The following RGS6 variants were observed in gnomAD, a reference collection of about 807,000 sequenced individuals.
The protein encoded by RGS6 is regulator of G protein signaling 6.
RGS6 carries 30 observed loss-of-function variants against 78.5 expected under a neutral mutation model. That is an observed-to-expected ratio of 0.38 (90% CI 0.29 to 0.52). The LOEUF (loss-of-function observed/expected upper bound fraction) is 0.52. RGS6 is among the 20% of genes least tolerant of loss of function. RGS6 has a pLI of 0.85. For missense variants in RGS6, 495 were observed against 609.7 expected (o/e 0.81, Z 1.98); for synonymous variants, 206 against 206.0 (o/e 1.00, Z 0.00).
intron 2 of RGS6, among the ~76,000 whole-genome samples, chr14:72,006,511 A>G (rs1219131139): frequency 1.3e-5 from 2 of 152,196 alleles, no homozygotes; most frequent in Non-Finnish European, 2.9e-5. Context: ...GTATGCAGAG[A>G]GGCTCATGTG....
At chr14:72,271,166 C>T (rs1036572282) in intron 2 of RGS6, among the ~76,000 whole-genome samples, 1 of 152,148 alleles carries the variant, frequency 6.6e-6, no homozygotes, top group African/African-American at 2.4e-5. Flanking sequence ...AATCTGTTCT[C>T]ATGCTGCCAA....
At chr14:72,059,790 G>A (rs539652716) in intron 2 of RGS6, among the ~76,000 whole-genome samples, 11 of 152,276 alleles carry the variant, frequency 7.2e-5, no homozygotes, top group African/African-American at 2.6e-4. Flanking sequence ...AAAAGGTCAT[G>A]TAAGGACTCG....
chr14:72,229,653 G>A (rs10131441), intron 2 of RGS6, among the ~76,000 whole-genome samples: 1,533 of 152,322 alleles, frequency 0.01, 30 homozygotes, highest in African/African-American at 0.035. Context: ...ACTTTGGTAT[G>A]CTAGTGACAG....
At chr14:72,569,242 AC>A (rs1240915965), downstream of RGS6, among the ~76,000 whole-genome samples, 1 of 151,864 alleles carries the variant, frequency 6.6e-6, no homozygotes, top group Non-Finnish European at 1.5e-5. Context: ...CAATCATATA[AC>A]CCCCACTGAA....
chr14:72,426,577 G>A (rs929142167), intron 3 of RGS6, among the ~76,000 whole-genome samples: 1 of 152,250 alleles, frequency 6.6e-6, no homozygotes, highest in East Asian at 1.9e-4. Flanking sequence ...TCCCAAGGTT[G>A]TACACAGTAA....
intron 2 of RGS6, among the ~76,000 whole-genome samples, chr14:71,998,046 G>A (rs997011521): frequency 6.6e-6 from 1 of 152,126 alleles, no homozygotes; most frequent in Non-Finnish European, 1.5e-5. Flanking sequence ...TGGTTGGAAT[G>A]CAGCTTGGTT....
rs1390162319 is a variant in RGS6, at chr14:71,946,076, A to C, written c.-21+13135A>C. On this transcript the variant is annotated intron_variant, in intron 1 of 17. Coordinates refer to ENST00000553525, the MANE Select transcript of RGS6 (RefSeq NM_001204424.2). ...AAGACTGATTCAGCAGCTGGTCAAA[A>C]TAGAAAGGACGCATTCACAAAGAAT... is the stretch of plus-strand genomic sequence containing the variant. 2.6e-5 allele frequency among the ~76,000 whole-genome samples: 4 copies of C among 152,218 alleles called. No homozygotes were observed. In the East Asian group the frequency reaches 5.8e-4, roughly 22 times the overall value.
At chr14:72,543,070 G>A (rs1255738553) in intron 17 of RGS6, among the ~76,000 whole-genome samples, 4 of 152,150 alleles carry the variant, frequency 2.6e-5, no homozygotes, top group East Asian at 3.8e-4. Flanking sequence ...GGGGACACTG[G>A]GCCAAGCATC....
At chr14:71,993,816 A>G (rs914060657) in intron 2 of RGS6, among the ~76,000 whole-genome samples, 5 of 152,232 alleles carry the variant, frequency 3.3e-5, no homozygotes, top group South Asian at 4.1e-4. Context: ...TATGAAGATT[A>G]GAGTTCTGAA....
intron 3 of RGS6, among the ~76,000 whole-genome samples, chr14:72,373,474 A>C (rs1374611120): frequency 6.6e-6 from 1 of 152,190 alleles, no homozygotes; most frequent in Non-Finnish European, 1.5e-5. Flanking sequence ...TCAGGAAAGT[A>C]GACTCGTTTT....
At chr14:72,325,810 T>C (rs939264331) in intron 2 of RGS6, among the ~76,000 whole-genome samples, 8 of 152,136 alleles carry the variant, frequency 5.3e-5, no homozygotes, top group African/African-American at 7.2e-5. Context: ...AATAAATGTA[T>C]ATTAAGACTA....
chr14:72,150,602 A>C (rs2096670078), intron 2 of RGS6, among the ~76,000 whole-genome samples: 1 of 152,010 alleles, frequency 6.6e-6, no homozygotes, highest in Admixed American at 6.6e-5. Flanking sequence ...ATCATGGCAG[A>C]AGGTTAAGGG....
the RGS6 span, among the ~76,000 whole-genome samples, chr14:72,580,101 G>A: frequency 1.4e-4 from 22 of 152,178 alleles, no homozygotes; most frequent in Non-Finnish European, 2.8e-4. Context: ...TCAGCACCTT[G>A]ACCATCCAAC....
At chr14:72,367,174 A>C (rs1276387261) in intron 3 of RGS6, among the ~76,000 whole-genome samples, 1 of 152,190 alleles carries the variant, frequency 6.6e-6, no homozygotes, top group Admixed American at 6.5e-5. Context: ...AGACTCTTGG[A>C]TTGCAGCAGT....
In RGS6 at chr14:72,316,446, C is replaced by G. The variant is rs547430278; in HGVS notation, c.85-35649C>G. The stretch of plus-strand genomic sequence containing the variant: ...GTTCCCCACCCTGTGTCCAAGTGTT[C>G]TCATCATTCGTGTCCCACCTATGAG... On this transcript the variant is annotated intron_variant, in intron 2 of 17. Transcript: ENST00000553525. Among the ~76,000 whole-genome samples the G allele has an allele frequency of 2.0e-5, 3 of 152,272 alleles. No individual in the cohort carries two copies. In the East Asian group the frequency reaches 5.8e-4, roughly 29 times the overall value.
At chr14:72,019,226 C>T (rs2087801883) in intron 2 of RGS6, among the ~76,000 whole-genome samples, 1 of 152,106 alleles carries the variant, frequency 6.6e-6, no homozygotes, top group African/African-American at 2.4e-5. Context: ...TTGGCTGTTA[C>T]CTCATTTTAC....
chr14:72,526,396 CG>C (rs2097121677), intron 15 of RGS6, among the ~76,000 whole-genome samples: 3 of 152,184 alleles, frequency 2.0e-5, no homozygotes, highest in Non-Finnish European at 4.4e-5. Context: ...TGAGCCACTG[CG>C]CCTGGCCAGG....
chr14:72,161,366 C>G (rs190125070), intron 2 of RGS6, among the ~76,000 whole-genome samples: 1 of 152,122 alleles, frequency 6.6e-6, no homozygotes, highest in East Asian at 1.9e-4. Context: ...CACATGTATC[C>G]CAGAACTTTA....
At chr14:72,257,713 G>A (rs1159314423) in intron 2 of RGS6, among the ~76,000 whole-genome samples, 11 of 152,120 alleles carry the variant, frequency 7.2e-5, no homozygotes, top group Non-Finnish European at 1.2e-4. Flanking sequence ...GGAGCCCTGA[G>A]GATTGGTCAC....
Sources: gnomAD v4.1 joint callset for allele counts (sites outside exome capture counted in the v4.1 genomes callset) on GRCh38, gnomAD v4.1.1 for gene constraint, MANE v1.5 for transcripts, NCBI Gene and HGNC (gene_info 2026-07-23, HGNC 2026-07-21) for gene names.